GAB1: variants seen among roughly 807,000 people sequenced by gnomAD.
GAB1 encodes the protein GRB2 associated binding protein 1, also known as GRB2-associated-binding protein 1.
Under a neutral mutation model 66.5 loss-of-function variants are expected in GAB1, and 19 were observed. The ratio of observed to expected loss-of-function variants is 0.29; its 90% CI spans 0.20 to 0.42. The LOEUF is 0.42. GAB1 is among the 10% of genes least tolerant of loss of function. The pLI is 1.00. For synonymous variants in GAB1, 294 were observed against 301.4 expected, an observed-to-expected ratio of 0.98 and a Z score of 0.25; for missense variants, 732 against 858.5, an observed-to-expected ratio of 0.85 and a Z score of 1.84.
rs1560726035 is a variant in GAB1, at chr4:143,373,886, T to TATATATATATATATATATATATATATA, written c.72+36626_72+36627insATATATATATATATATATATATATATA. Reference sequence around the variant, plus strand: ...ATAAATAAATATATATATATATATATTTTTACCTTTCTAACATTGCAGGGA... The same window carrying TATATATATATATATATATATATATATA: ...ATAAATAAATATATATATATATATATATATATATATATATATATATATATATATTTTACCTTTCTAACATTGCAGGGA... On this transcript the variant is annotated intron_variant, in intron 1 of 9. Coordinates refer to ENST00000262994, the MANE Select transcript of GAB1 (RefSeq NM_002039.4). Among the ~76,000 whole-genome samples, 79 of 128,198 alleles carry TATATATATATATATATATATATATATA rather than the reference T, an allele frequency of 6.2e-4. 5 individuals are homozygous for TATATATATATATATATATATATATATA. Among genetic ancestry groups the TATATATATATATATATATATATATATA allele is most frequent in the Non-Finnish European group, 7.8e-4 (49 of 62,958 alleles). 84.1% of individuals were successfully genotyped at this position (128,198 alleles called of 152,430 possible). A position where few individuals can be genotyped will look rare whatever the true frequency, so the allele number is the denominator to read the frequency against.
chr4:143,339,457 G>A (rs1292906524), intron 1 of GAB1, among the ~76,000 whole-genome samples: 2 of 152,374 alleles, frequency 1.3e-5, no homozygotes, highest in South Asian at 2.1e-4. Flanking sequence ...GTTGCAGTGA[G>A]CAGAGTTTGT....
intron 3 of GAB1, among the ~76,000 whole-genome samples, chr4:143,437,417 T>C (rs1733994093): frequency 6.6e-6 from 1 of 152,220 alleles, no homozygotes; most frequent in Non-Finnish European, 1.5e-5. Flanking sequence ...ATCCTCTTTA[T>C]AATGTTGGCT....
chr4:143,387,617 G>A (rs764597922), intron 1 of GAB1, among the ~76,000 whole-genome samples: 2 of 152,114 alleles, frequency 1.3e-5, no homozygotes, highest in Non-Finnish European at 2.9e-5. Flanking sequence ...TCTTGCATTC[G>A]ATTCTTGCTT....
Position 143,393,244 on chromosome 4 carries a change from G to GAA in GAB1, c.73-22225_73-22224dup, listed in dbSNP as rs562105348. ...GTTTTTTTTTTTAAAAAAAAAAAAAGAAAAAAAAAGAATATGAGACAGAAA... is the reference window on the plus strand; with the variant it reads ...GTTTTTTTTTTTAAAAAAAAAAAAAGAAAAAAAAAAAGAATATGAGACAGAAA... On this transcript the variant is annotated intron_variant, in intron 1 of 9. Coordinates refer to ENST00000262994, the MANE Select transcript of GAB1 (RefSeq NM_002039.4). Among the ~76,000 whole-genome samples, 57 of 139,712 alleles carry GAA rather than the reference G, an allele frequency of 4.1e-4. 1 individual carries two copies. The South Asian group carries it at 0.013, about 32-fold the overall frequency. 91.7% of individuals were successfully genotyped at this position (139,712 alleles called of 152,430 possible). A position where few individuals can be genotyped will look rare whatever the true frequency, so the allele number is the denominator to read the frequency against.
chr4:143,415,895 G>C, intron 2 of GAB1, 124 bp downstream of exon 2: 1 of 787,586 alleles, frequency 1.3e-6, no homozygotes, highest in African/African-American at 1.8e-5. Flanking sequence ...ATAGGAACTT[G>C]ACATTTGGAA....
At chr4:143,372,002 T>G (rs1476788633) in intron 1 of GAB1, among the ~76,000 whole-genome samples, 1 of 152,174 alleles carries the variant, frequency 6.6e-6, no homozygotes, top group Non-Finnish European at 1.5e-5. Flanking sequence ...GTTTAATGTA[T>G]TCAATTATGG....
At chr4:143,341,340 A>C (rs62337489) in intron 1 of GAB1, among the ~76,000 whole-genome samples, 1 of 152,242 alleles carries the variant, frequency 6.6e-6, no homozygotes, top group Non-Finnish European at 1.5e-5. Context: ...AATGATGGTG[A>C]AATTTTCATC....
At position 143,337,280 on chromosome 4, in the gene GAB1, C is replaced by T; in HGVS notation, c.72+20C>T. Reference sequence around the variant, plus strand: ...CGTTATGTAAGTAGAGCTGCGGGCACCACTCCGCGGGCCTCGGCGTCCACA... The same window carrying T: ...CGTTATGTAAGTAGAGCTGCGGGCATCACTCCGCGGGCCTCGGCGTCCACA... On this transcript the variant is annotated intron_variant, in intron 1 of 9. Transcript: ENST00000262994. The T allele has an allele frequency of 6.4e-7, 1 of 1,563,468 alleles. No homozygotes were observed. Among genetic ancestry groups the T allele is most frequent in the Non-Finnish European group, 8.7e-7 (1 of 1,152,198 alleles).
At chr4:143,364,484 A>G (rs1729788657) in intron 1 of GAB1, among the ~76,000 whole-genome samples, 2 of 152,332 alleles carry the variant, frequency 1.3e-5, no homozygotes, top group Middle Eastern at 3.4e-3. Flanking sequence ...AGTTTCAAGT[A>G]AGAATGAGAG....
chr4:143,341,230 CAT>C (rs1373233483), intron 1 of GAB1, among the ~76,000 whole-genome samples: 1 of 152,130 alleles, frequency 6.6e-6, no homozygotes, highest in East Asian at 1.9e-4. Context: ...CTGATGGAAT[CAT>C]AAACAGATTA....
intron 2 of GAB1, 71 bp from the exon 3 acceptor site, chr4:143,433,420 C>A (rs1326007630): frequency 9.4e-7 from 1 of 1,059,446 alleles, no homozygotes; most frequent in Admixed American, 1.8e-5. Context: ...CAATTTGTCT[C>A]CAAAGTAGCT....
intron 9 of GAB1, 31 bp from the exon 10 acceptor site, chr4:143,469,000 T>C (rs1349629616): frequency 6.2e-7 from 1 of 1,611,174 alleles, no homozygotes; most frequent in Non-Finnish European, 8.5e-7. Flanking sequence ...CCTTTATATG[T>C]TGGACTTTTT....
intron 1 of GAB1, among the ~76,000 whole-genome samples, chr4:143,366,370 C>G (rs1729881972): frequency 6.6e-6 from 1 of 152,136 alleles, no homozygotes; most frequent in Middle Eastern, 3.4e-3. Flanking sequence ...ATGAAAAACC[C>G]AGGAACAAAC....
At chr4:143,409,383 CTTT>C (rs1732238367) in intron 1 of GAB1, among the ~76,000 whole-genome samples, 1 of 143,004 alleles carries the variant, frequency 7.0e-6, no homozygotes, top group Non-Finnish European at 1.5e-5. Flanking sequence ...CAACTTTGAA[CTTT>C]CCCCCCCCCC....
chr4:143,419,527 A>C (rs540575279), intron 2 of GAB1, among the ~76,000 whole-genome samples: 45 of 152,262 alleles, frequency 3.0e-4, no homozygotes, highest in African/African-American at 1.1e-3. Flanking sequence ...GGTTGTAAGA[A>C]AATTCACAGT....
rs1017484276 is a variant in GAB1 at position 143,367,224 on chromosome 4, A to C, written c.72+29964A>C. ...GTCTCAGGAATTAAGGAGGATAACT[A>C]CATTTTGGGAGAAAACCTATCTTCC... On this transcript the variant is annotated intron_variant, in intron 1 of 9. Coordinates refer to ENST00000262994, the MANE Select transcript of GAB1 (RefSeq NM_002039.4). 3.3e-5 allele frequency among the ~76,000 whole-genome samples: 5 copies of C among 152,248 alleles called. No individual in the cohort carries two copies. In the South Asian group the frequency reaches 8.3e-4, roughly 25 times the overall value.
At chr4:143,382,577 T>G (rs1730702590) in intron 1 of GAB1, among the ~76,000 whole-genome samples, 2 of 152,216 alleles carry the variant, frequency 1.3e-5, no homozygotes, top group South Asian at 4.1e-4. Flanking sequence ...ACCTTCAAAG[T>G]CCTGTTTTGC....
chr4:143,401,013 T>C (rs1352207970), intron 1 of GAB1, among the ~76,000 whole-genome samples: 2 of 152,108 alleles, frequency 1.3e-5, no homozygotes, highest in East Asian at 3.8e-4. Flanking sequence ...TGTGGTCAGT[T>C]ATTCAACAAA....
At chr4:143,373,845 C>CTCTCTCTCTCTT (rs1730267652) in intron 1 of GAB1, among the ~76,000 whole-genome samples, 1 of 94,492 alleles carries the variant, frequency 1.1e-5, no homozygotes, top group African/African-American at 4.9e-5. Context: ...CTCTCTCTCT[C>CTCTCTCTCTCTT]TCTCTCTCTC....
Sources: allele counts gnomAD v4.1 joint callset (sites outside exome capture counted in the v4.1 genomes callset), GRCh38; gene constraint gnomAD v4.1.1; transcripts MANE v1.5; gene names NCBI Gene and HGNC (gene_info 2026-07-23, HGNC 2026-07-21).